Variants in PPFIBP2 observed in about 807,000 individuals in gnomAD.
PPFIBP2 encodes PPFIB scaffold protein 2, also known as liprin-beta-2.
In PPFIBP2, 118 loss-of-function variants were observed where a neutral mutation model predicts 118.3. That is an observed-to-expected ratio of 1.00 (90% CI 0.86 to 1.16). The LOEUF is 1.16. Among genes scored for constraint, PPFIBP2 ranks in the 50% most tolerant of loss-of-function variants. PPFIBP2 has a pLI of 0.00. For missense variants in PPFIBP2, 1,195 were observed against 1,073.1 expected, an observed-to-expected ratio of 1.11 and a Z score of -1.59; for synonymous variants, 414 against 397.4, an observed-to-expected ratio of 1.04 and a Z score of -0.50.
intron 1 of PPFIBP2, among the ~76,000 whole-genome samples, chr11:7,540,347 C>A (rs962750272): frequency 6.6e-6 from 1 of 152,056 alleles, no homozygotes; most frequent in Non-Finnish European, 1.5e-5. Context: ...GATGAGGGGA[C>A]AGATCTGAAA....
chr11:7,551,792 A>G (rs1321500592), intron 2 of PPFIBP2, among the ~76,000 whole-genome samples: 4 of 152,220 alleles, frequency 2.6e-5, no homozygotes, highest in Non-Finnish European at 5.9e-5. Context: ...TTCTCCATAC[A>G]GGCATTCCTG....
At chr11:7,586,601 G>A (rs1858245673) in intron 3 of PPFIBP2, among the ~76,000 whole-genome samples, 1 of 152,220 alleles carries the variant, frequency 6.6e-6, no homozygotes, top group African/African-American at 2.4e-5. Context: ...CTATTGAAAG[G>A]ATGGAAAGCC....
At chr11:7,621,827 T>C (rs949841650) in intron 7 of PPFIBP2, among the ~76,000 whole-genome samples, 1 of 152,246 alleles carries the variant, frequency 6.6e-6, no homozygotes, top group African/African-American at 2.4e-5. Flanking sequence ...TGGATGTTTT[T>C]ATTAGAGTTT....
chr11:7,582,711 C>G (rs949889931), intron 3 of PPFIBP2, among the ~76,000 whole-genome samples: 1 of 148,082 alleles, frequency 6.8e-6, no homozygotes, highest in African/African-American at 2.5e-5. Context: ...CTACCAATGT[C>G]ATAGGAAAAA....
chr11:7,624,487 G>A (rs1204886949), intron 7 of PPFIBP2, among the ~76,000 whole-genome samples: 1 of 152,148 alleles, frequency 6.6e-6, no homozygotes, highest in East Asian at 1.9e-4. Context: ...TAATTACTTG[G>A]GGTTGGTCAG....
intron 6 of PPFIBP2, among the ~76,000 whole-genome samples, chr11:7,614,106 G>A (rs1037364737): frequency 1.3e-5 from 2 of 152,196 alleles, no homozygotes; most frequent in Non-Finnish European, 2.9e-5. Flanking sequence ...AGATGAGCTG[G>A]CCTAATAGGA....
chr11:7,585,132 C>T (rs887770108), intron 3 of PPFIBP2, among the ~76,000 whole-genome samples: 1 of 152,182 alleles, frequency 6.6e-6, no homozygotes, highest in African/African-American at 2.4e-5. Flanking sequence ...CCAGTTGGGA[C>T]AGTGTATGTA....
At chr11:7,619,537 C>T (rs1404656705) in intron 6 of PPFIBP2, among the ~76,000 whole-genome samples, 1 of 152,152 alleles carries the variant, frequency 6.6e-6, no homozygotes, top group Non-Finnish European at 1.5e-5. Flanking sequence ...ATCACTCCCC[C>T]AGATGCCATG....
intron 3 of PPFIBP2, among the ~76,000 whole-genome samples, chr11:7,581,297 C>T (rs910942396): frequency 6.6e-6 from 1 of 152,226 alleles, no homozygotes; most frequent in African/African-American, 2.4e-5. Flanking sequence ...GTGGGACCCA[C>T]CCACTGCTCT....
intron 1 of PPFIBP2, among the ~76,000 whole-genome samples, chr11:7,518,856 G>T (rs1364224840): frequency 2.0e-5 from 3 of 152,246 alleles, no homozygotes; most frequent in African/African-American, 7.2e-5. Context: ...ATGAGCCAAA[G>T]ATGGCGCTCG....
At chr11:7,562,485 A>G (rs1287708926) in intron 2 of PPFIBP2, among the ~76,000 whole-genome samples, 2 of 152,188 alleles carry the variant, frequency 1.3e-5, no homozygotes, top group African/African-American at 2.4e-5. Flanking sequence ...TTCCTGTCAT[A>G]TCCTATCATT....
At chr11:7,659,397 A>G, downstream of PPFIBP2, among the ~76,000 whole-genome samples, 2 of 144,354 alleles carry the variant, frequency 1.4e-5, no homozygotes, top group African/African-American at 5.1e-5. Flanking sequence ...TTTATTAAAT[A>G]GGGAATCCTT....
chr11:7,579,923 A>G (rs892699813), intron 3 of PPFIBP2, among the ~76,000 whole-genome samples: 4 of 151,754 alleles, frequency 2.6e-5, no homozygotes, highest in Non-Finnish European at 5.9e-5. Flanking sequence ...TACCCTAAAC[A>G]CTACTGCCAG....
At chr11:7,654,946 G>GT (rs1854545442), downstream of PPFIBP2, among the ~76,000 whole-genome samples, 1 of 152,198 alleles carries the variant, frequency 6.6e-6, no homozygotes, top group African/African-American at 2.4e-5. Flanking sequence ...GAAGGAGGAA[G>GT]AGACCAGCAT....
downstream of PPFIBP2, among the ~76,000 whole-genome samples, chr11:7,657,430 G>A (rs1311161589): frequency 6.6e-6 from 1 of 152,042 alleles, no homozygotes; most frequent in Non-Finnish European, 1.5e-5. Flanking sequence ...GAGCAGAGGC[G>A]TCCCCAACAC....
intron 1 of PPFIBP2, among the ~76,000 whole-genome samples, chr11:7,536,618 A>G (rs754760323): frequency 4.6e-5 from 7 of 152,128 alleles, no homozygotes; most frequent in Non-Finnish European, 1.0e-4. Context: ...AGAAAGATGC[A>G]TGGTAGTTTG....
chr11:7,577,426 G>T, intron 3 of PPFIBP2: 2 of 398,186 alleles, frequency 5.0e-6, no homozygotes, highest in Non-Finnish European at 1.0e-5. Flanking sequence ...AAACTGTCTA[G>T]GGAGAGGCTG....
the PPFIBP2 span, chr11:7,665,013 C>CCATGG: frequency 1.3e-4 from 23 of 176,146 alleles, no homozygotes; most frequent in Non-Finnish European, 2.6e-4. Context: ...GTTGTGACCC[C>CCATGG]CATGGGCATG....
intron 6 of PPFIBP2, among the ~76,000 whole-genome samples, chr11:7,614,066 G>A (rs1848365173): frequency 6.6e-6 from 1 of 152,226 alleles, no homozygotes. Flanking sequence ...GGAACACAGA[G>A]TGAGATCTGG....
Sources: allele counts gnomAD v4.1 joint callset (sites outside exome capture counted in the v4.1 genomes callset), GRCh38; gene constraint gnomAD v4.1.1; transcripts MANE v1.5; gene names NCBI Gene and HGNC (gene_info 2026-07-23, HGNC 2026-07-21).